Variants in GPM6A observed in about 807,000 individuals in gnomAD.
GPM6A encodes the protein neuronal membrane glycoprotein M6-a.
A neutral mutation model predicts 32.1 loss-of-function variants in GPM6A; 7 were observed. The ratio of observed to expected loss-of-function variants is 0.22; its 90% CI spans 0.12 to 0.41. GPM6A has a LOEUF of 0.41. Among genes scored for constraint, GPM6A ranks in the 10% least tolerant of loss-of-function variants. GPM6A has a pLI of 1.00. For missense variants in GPM6A, 235 were observed against 347.2 expected (o/e 0.68, Z 2.57); for synonymous variants, 130 against 123.4 (o/e 1.05, Z -0.35).
intron 3 of GPM6A, among the ~76,000 whole-genome samples, chr4:175,654,566 G>A (rs1741974803): frequency 6.6e-6 from 1 of 151,988 alleles, no homozygotes. Context: ...TAGTCTTATA[G>A]AATAAAGGAA....
intron 6 of GPM6A, among the ~76,000 whole-genome samples, chr4:175,637,452 C>A: frequency 1.7e-5 from 1 of 58,516 alleles, no homozygotes; most frequent in South Asian, 4.7e-4. Flanking sequence ...ATATGGAGAG[C>A]CTTAGAAGGA....
At chr4:175,830,235 A>T (rs1316307612) in intron 1 of GPM6A, among the ~76,000 whole-genome samples, 1 of 152,150 alleles carries the variant, frequency 6.6e-6, no homozygotes, top group Non-Finnish European at 1.5e-5. Flanking sequence ...GATGAAAATC[A>T]CTTTGTTTTT....
At chr4:175,734,135 C>CAT (rs33914767) in intron 1 of GPM6A, among the ~76,000 whole-genome samples, 210 of 127,180 alleles carry the variant, frequency 1.7e-3, no homozygotes, top group South Asian at 2.9e-3. Context: ...TAATTTTTGC[C>CAT]ATATATATAT....
At position 175,927,983 on chromosome 4, in the gene GPM6A, G is replaced by A. The variant is rs547604876; in HGVS notation, c.-23+74326C>T. 1.8e-4 allele frequency among the ~76,000 whole-genome samples: 27 copies of A among 152,092 alleles called. 1 individual carries two copies. In the South Asian group the frequency reaches 3.5e-3, roughly 20 times the overall value. On this transcript the variant is annotated intron_variant, in intron 1 of 7. Transcript: ENST00000280187. ...TTTCTAAATGTTAAAGACTCTTCTT[G>A]CCTTTAGTTTAACTGGTTTTGGAGT...
chr4:175,865,993 A>C (rs756286055), intron 1 of GPM6A, among the ~76,000 whole-genome samples: 2 of 152,200 alleles, frequency 1.3e-5, no homozygotes, highest in Non-Finnish European at 2.9e-5. Context: ...AATTTCTTTA[A>C]TAGCTATAGT....
chr4:175,975,234 T>A (rs1305534642), intron 1 of GPM6A, among the ~76,000 whole-genome samples: 1 of 152,232 alleles, frequency 6.6e-6, no homozygotes, highest in Non-Finnish European at 1.5e-5. Flanking sequence ...AAAGACTAAC[T>A]AAAGTTCTTT....
chr4:175,842,570 A>C (rs949208182), intron 1 of GPM6A, among the ~76,000 whole-genome samples: 18 of 152,070 alleles, frequency 1.2e-4, no homozygotes, highest in African/African-American at 4.1e-4. Flanking sequence ...AAAAAATAAA[A>C]ATTAGCTGAA....
At chr4:175,673,294 C>T (rs1360653679) in intron 3 of GPM6A, among the ~76,000 whole-genome samples, 1 of 151,502 alleles carries the variant, frequency 6.6e-6, no homozygotes, top group Non-Finnish European at 1.5e-5. Context: ...TATAGCTGTC[C>T]TCAAATTTAC....
chr4:175,696,494 G>T (rs1462867631), intron 2 of GPM6A, among the ~76,000 whole-genome samples: 3 of 152,154 alleles, frequency 2.0e-5, no homozygotes, highest in Non-Finnish European at 2.9e-5. Flanking sequence ...TAACCTGGCT[G>T]AAATATTGCC....
At chr4:175,748,866 T>A (rs1405101235) in intron 1 of GPM6A, among the ~76,000 whole-genome samples, 1 of 152,186 alleles carries the variant, frequency 6.6e-6, no homozygotes, top group East Asian at 1.9e-4. Flanking sequence ...TCCATCAATG[T>A]TCTTAGCTAG....
intron 1 of GPM6A, among the ~76,000 whole-genome samples, chr4:175,886,130 CT>C (rs1359891884): frequency 6.6e-6 from 1 of 152,104 alleles, no homozygotes; most frequent in Non-Finnish European, 1.5e-5. Context: ...AGACTTTCAC[CT>C]GTCTAATAAA....
At chr4:175,963,717 TA>T (rs1280163754) in intron 1 of GPM6A, among the ~76,000 whole-genome samples, 2 of 152,034 alleles carry the variant, frequency 1.3e-5, no homozygotes, top group African/African-American at 4.8e-5. Flanking sequence ...TAAATAAGGG[TA>T]AAATGATATC....
At chr4:175,737,990 T>G (rs1371958427) in intron 1 of GPM6A, among the ~76,000 whole-genome samples, 17 of 149,810 alleles carry the variant, frequency 1.1e-4, no homozygotes. Context: ...CAGGCTGGAG[T>G]GCAATGGTGC....
intron 2 of GPM6A, among the ~76,000 whole-genome samples, chr4:175,694,379 G>T (rs1744460011): frequency 6.6e-6 from 1 of 152,204 alleles, no homozygotes; most frequent in Non-Finnish European, 1.5e-5. Flanking sequence ...TGACCAAAAT[G>T]CTGATAGTGA....
chr4:175,984,415 G>C (rs1164313833), intron 1 of GPM6A, among the ~76,000 whole-genome samples: 1 of 152,054 alleles, frequency 6.6e-6, no homozygotes, highest in Non-Finnish European at 1.5e-5. Context: ...TACCCACCTT[G>C]GCCTCCCAAA....
intron 1 of GPM6A, among the ~76,000 whole-genome samples, chr4:175,887,070 C>T (rs1196497800): frequency 6.6e-6 from 1 of 151,588 alleles, no homozygotes; most frequent in Admixed American, 6.6e-5. Flanking sequence ...AAAAACAAGA[C>T]AAAAAGTTTA....
intron 1 of GPM6A, among the ~76,000 whole-genome samples, chr4:175,952,269 A>G (rs908238514): frequency 6.6e-6 from 1 of 152,210 alleles, no homozygotes; most frequent in Non-Finnish European, 1.5e-5. Flanking sequence ...GAAATATTCA[A>G]GTTAAGATAC....
intron 1 of GPM6A, among the ~76,000 whole-genome samples, chr4:175,968,281 A>T (rs1279653404): frequency 6.6e-6 from 1 of 152,204 alleles, no homozygotes; most frequent in African/African-American, 2.4e-5. Flanking sequence ...AACACAAAGG[A>T]CATCATAGAC....
intron 1 of GPM6A, among the ~76,000 whole-genome samples, chr4:175,786,071 C>A (rs1466419410): frequency 1.3e-5 from 2 of 152,146 alleles, no homozygotes; most frequent in African/African-American, 4.8e-5. Flanking sequence ...CACAGAGTGG[C>A]AGCAAACTCA....
Sources: gnomAD v4.1 joint callset for allele counts (sites outside exome capture counted in the v4.1 genomes callset) on GRCh38, gnomAD v4.1.1 for gene constraint, MANE v1.5 for transcripts, NCBI Gene and HGNC (gene_info 2026-07-23, HGNC 2026-07-21) for gene names.